Variants in PPP1R3B observed in about 807,000 individuals in gnomAD.
PPP1R3B encodes PP1 subunit R4.
A neutral mutation model predicts 14.6 loss-of-function variants in PPP1R3B; 8 were observed. The observed-to-expected ratio is 0.55, with a 90% CI of 0.32 to 0.99. The LOEUF (loss-of-function observed/expected upper bound fraction) is 0.99. Ranked by LOEUF, PPP1R3B falls within the 50% of genes least tolerant of loss-of-function variation. PPP1R3B has a pLI of 0.04. For synonymous variants in PPP1R3B, 169 were observed against 142.0 expected (o/e 1.19, Z -1.35); for missense variants, 452 against 360.1 (o/e 1.26, Z -2.07).
rs2117584109 is a variant in PPP1R3B, at chr8:9,136,449, C to G, written c.*4345G>C. ...TTTAGGTATAAAATGAAGATGAGTCCTTGGTTCTACATTCACACTGAAGTA... is the reference window on the plus strand; with the variant it reads ...TTTAGGTATAAAATGAAGATGAGTCGTTGGTTCTACATTCACACTGAAGTA... On this transcript the variant is annotated 3_prime_UTR_variant, in exon 2 of 2. Transcript: ENST00000310455. 1 of 152,248 alleles carries G rather than the reference C, an allele frequency of 6.6e-6. No homozygotes were observed. Among genetic ancestry groups the G allele is most frequent in the South Asian group, 2.1e-4 (1 of 4,826 alleles). The allele number at this position is 152,248 out of a possible 1,614,324, so 9.4% of individuals were successfully genotyped here.
In PPP1R3B at chr8:9,140,789, A is replaced by C. The variant is rs1033743809; in HGVS notation, c.*5T>G. ...AGCTCCGCCACGCCCTGTCACCTGC[A>C]GTCACTAGTAGTAGGGCCCTAGCTT... On this transcript the variant is annotated 3_prime_UTR_variant, in exon 2 of 2. Coordinates refer to ENST00000310455, the MANE Select transcript of PPP1R3B (RefSeq NM_024607.4). 2.5e-6 allele frequency: 4 copies of C among 1,612,908 alleles called. No individual in the cohort carries two copies. The African/African-American group carries it at 5.3e-5, about 22-fold the overall frequency.
chr8:9,143,143 CTTTTCTCCACGTCT>C (rs942113871), intron 1 of PPP1R3B, among the ~76,000 whole-genome samples: 4 of 152,184 alleles, frequency 2.6e-5, no homozygotes, highest in Non-Finnish European at 5.9e-5. Flanking sequence ...CAAGGGTTCC[CTTTTCTCCACGTCT>C]TTGCCAATAC....
chr8:9,146,601 A>C (rs2117615853), intron 1 of PPP1R3B, among the ~76,000 whole-genome samples: 1 of 152,382 alleles, frequency 6.6e-6, no homozygotes, highest in Middle Eastern at 3.4e-3. Context: ...ATGGCCAGTC[A>C]GAGAAATACA....
At chr8:9,145,687 A>C (rs908955461) in intron 1 of PPP1R3B, among the ~76,000 whole-genome samples, 1 of 152,100 alleles carries the variant, frequency 6.6e-6, no homozygotes, top group Non-Finnish European at 1.5e-5. Context: ...AAGACTAGAG[A>C]TATATATTTA....
At chr8:9,142,796 A>C (rs181976016) in intron 1 of PPP1R3B, among the ~76,000 whole-genome samples, 79 of 152,286 alleles carry the variant, frequency 5.2e-4, no homozygotes, top group Admixed American at 1.9e-3. Context: ...TTATTCACTT[A>C]ACATCCTCCA....
rs1800975498 is a variant in PPP1R3B, at chr8:9,138,783, A to G, written c.*2011T>C. On this transcript the variant is annotated 3_prime_UTR_variant, in exon 2 of 2. Transcript: ENST00000310455. ...AGAGTCGTTTAACCAAACTCCAAAA[A>G]CAAACAAAAATAGAAAATAAAAAAC... The G allele has an allele frequency of 6.6e-6, 1 of 152,214 alleles. No homozygotes were observed. Among genetic ancestry groups the G allele is most frequent in the Non-Finnish European group, 1.5e-5 (1 of 68,048 alleles). The allele number at this position is 152,214 out of a possible 1,614,324, so 9.4% of individuals were successfully genotyped here. A position where few individuals can be genotyped will look rare whatever the true frequency, so the allele number is the denominator to read the frequency against.
chr8:9,138,213 C>G lies in PPP1R3B; in HGVS notation c.*2581G>C, dbSNP rs1800954927. The G allele has an allele frequency of 6.6e-6, 1 of 152,116 alleles. No individual in the cohort carries two copies. Among genetic ancestry groups the G allele is most frequent in the Non-Finnish European group, 1.5e-5 (1 of 68,032 alleles). The allele number at this position is 152,116 out of a possible 1,614,324, so 9.4% of individuals were successfully genotyped here. On this transcript the variant is annotated 3_prime_UTR_variant, in exon 2 of 2. Transcript: ENST00000310455. The stretch of plus-strand genomic sequence containing the variant: ...GATTTATGCTATTAATAGTTCTGAT[C>G]ACCAAATTTATAACATTTAAAGTAC...
intron 1 of PPP1R3B, among the ~76,000 whole-genome samples, chr8:9,147,710 C>CCT (rs1801282282): frequency 1.3e-5 from 2 of 151,582 alleles, no homozygotes; most frequent in Non-Finnish European, 2.9e-5. Context: ...CCCTGAGATC[C>CCT]CTTTTTATCA....
upstream of PPP1R3B, among the ~76,000 whole-genome samples, chr8:9,150,953 C>G (rs1456704389): frequency 6.6e-6 from 1 of 152,242 alleles, no homozygotes; most frequent in Non-Finnish European, 1.5e-5. Flanking sequence ...TCCTTAAGCT[C>G]CAAACCCCAC....
chr8:9,149,550 G>A (rs1487497797), intron 1 of PPP1R3B, among the ~76,000 whole-genome samples: 5 of 152,154 alleles, frequency 3.3e-5, no homozygotes, highest in African/African-American at 9.7e-5. Context: ...AGATGCACAA[G>A]CAACCCACCA....
intron 1 of PPP1R3B, among the ~76,000 whole-genome samples, chr8:9,144,185 CTTTTTTT>C (rs1007236802): frequency 5.5e-4 from 74 of 135,104 alleles, no homozygotes; most frequent in African/African-American, 1.8e-3. Context: ...ACAAGTTTTT[CTTTTTTT>C]TTTTTTTTTG....
chr8:9,149,031 CAAA>C (rs879335595), intron 1 of PPP1R3B, among the ~76,000 whole-genome samples: 14 of 129,624 alleles, frequency 1.1e-4, no homozygotes, highest in Admixed American at 3.1e-4. Context: ...ACTAAAAATA[CAAA>C]AAAAAAAAAT....
upstream of PPP1R3B, chr8:9,150,774 C>A (rs949441238): frequency 2.0e-5 from 3 of 152,308 alleles, no homozygotes; most frequent in Non-Finnish European, 2.9e-5. Context: ...CAACCCCGGC[C>A]GGAGCAAGCA....
chr8:9,146,489 C>A (rs754728004), intron 1 of PPP1R3B, among the ~76,000 whole-genome samples: 7 of 151,838 alleles, frequency 4.6e-5, no homozygotes, highest in Admixed American at 1.3e-4. Context: ...TGTGATTAAC[C>A]AAACATGTAA....
rs1800981934 is a variant in PPP1R3B at position 9,138,977 on chromosome 8, G to GA, written c.*1816dup. On this transcript the variant is annotated 3_prime_UTR_variant, in exon 2 of 2. Coordinates refer to ENST00000310455, the MANE Select transcript of PPP1R3B (RefSeq NM_024607.4). ...TCTGTCGCTCAGGCTGAAATGCAGT[G>GA]ACGTGATCTCGGCTCACTGCAACCT... 6.6e-6 allele frequency: 1 copy of GA among 152,238 alleles called. No homozygotes were observed. The highest frequency in any genetic ancestry group is 1.5e-5 in the Non-Finnish European group (1 of 68,072). 9.4% of individuals were successfully genotyped at this position (152,238 alleles called of 1,614,324 possible). A position where few individuals can be genotyped will look rare whatever the true frequency, so the allele number is the denominator to read the frequency against.
At position 9,138,020 on chromosome 8, in the gene PPP1R3B, A is replaced by C. The variant is rs765744847; in HGVS notation, c.*2774T>G. The C allele has an allele frequency of 6.6e-6, 1 of 152,244 alleles. No individual in the cohort carries two copies. The highest frequency in any genetic ancestry group is 1.5e-5 in the Non-Finnish European group (1 of 68,036). The allele number at this position is 152,244 out of a possible 1,614,324, so 9.4% of individuals were successfully genotyped here. On this transcript the variant is annotated 3_prime_UTR_variant, in exon 2 of 2. Coordinates refer to ENST00000310455, the MANE Select transcript of PPP1R3B (RefSeq NM_024607.4). ...TAGATAAAATTAAACTGACTTTATT[A>C]AACAGAGTCACTTCAGGCCTTTTTC...
Position 9,137,641 on chromosome 8 carries a change from G to C in PPP1R3B, c.*3153C>G, listed in dbSNP as rs1800931865. On this transcript the variant is annotated 3_prime_UTR_variant, in exon 2 of 2. Coordinates refer to ENST00000310455, the MANE Select transcript of PPP1R3B (RefSeq NM_024607.4). ...AGGAAGAAGACTGTTTGCGGCAGGA[G>C]GGTAGCAGAGGAGCAAGTGGTAAAC... is the stretch of plus-strand genomic sequence containing the variant. The C allele has an allele frequency of 6.6e-6, 1 of 152,504 alleles. No individual in the cohort carries two copies. The highest frequency in any genetic ancestry group is 1.5e-5 in the Non-Finnish European group (1 of 68,274). 9.4% of individuals were successfully genotyped at this position (152,504 alleles called of 1,614,324 possible).
At position 9,137,211 on chromosome 8, in the gene PPP1R3B, T is replaced by C. The variant is rs1158090037; in HGVS notation, c.*3583A>G. 6.6e-6 allele frequency: 1 copy of C among 152,250 alleles called. No individual in the cohort carries two copies. The highest frequency in any genetic ancestry group is 2.4e-5 in the African/African-American group (1 of 41,472). 9.4% of individuals were successfully genotyped at this position (152,250 alleles called of 1,614,324 possible). ...AAACCCACTCAAATGCTTCATGTCT[T>C]CCAATAGATACTGAAAGCTTATTTA... On this transcript the variant is annotated 3_prime_UTR_variant, in exon 2 of 2. Coordinates refer to ENST00000310455, the MANE Select transcript of PPP1R3B (RefSeq NM_024607.4).
Position 9,140,076 on chromosome 8 carries a change from G to A in PPP1R3B, c.*718C>T, listed in dbSNP as rs145191477. On this transcript the variant is annotated 3_prime_UTR_variant, in exon 2 of 2. Transcript: ENST00000310455. ...CGCACAGGAGCCAGTGGGTTTTGAT[G>A]ACTGGTGTGTTGCTCTCTGCTGGAA... 6.5e-6 allele frequency: 1 copy of A among 153,022 alleles called. No individual in the cohort carries two copies. The highest frequency in any genetic ancestry group is 1.5e-5 in the Non-Finnish European group (1 of 68,658). 9.5% of individuals were successfully genotyped at this position (153,022 alleles called of 1,614,324 possible).
Sources: allele counts gnomAD v4.1 joint callset (sites outside exome capture counted in the v4.1 genomes callset), GRCh38; gene constraint gnomAD v4.1.1; transcripts MANE v1.5; gene names NCBI Gene and HGNC (gene_info 2026-07-23, HGNC 2026-07-21).